The following PPP2R2B variants were observed in gnomAD, a reference collection of about 807,000 sequenced individuals.
The protein encoded by PPP2R2B is serine/threonine-protein phosphatase 2A 55 kDa regulatory subunit B beta isoform.
PPP2R2B carries 5 observed loss-of-function variants against 46.0 expected under a neutral mutation model. The observed-to-expected ratio is 0.11, with a 90% CI of 0.06 to 0.23. PPP2R2B has a LOEUF of 0.23. Ranked by LOEUF, PPP2R2B falls within the 10% of genes least tolerant of loss-of-function variation. PPP2R2B has a pLI of 1.00. For missense variants in PPP2R2B, 367 were observed against 575.0 expected, an observed-to-expected ratio of 0.64 and a Z score of 3.70; for synonymous variants, 215 against 206.7, an observed-to-expected ratio of 1.04 and a Z score of -0.34.
intron 7 of PPP2R2B, among the ~76,000 whole-genome samples, chr5:146,607,534 T>C (rs1262079264): frequency 6.6e-6 from 1 of 152,240 alleles, no homozygotes; most frequent in African/African-American, 2.4e-5. Context: ...TGATGAAGAA[T>C]GAAAAGTTAA....
At chr5:146,805,389 T>G (rs1321483951) in intron 2 of PPP2R2B, among the ~76,000 whole-genome samples, 1 of 152,204 alleles carries the variant, frequency 6.6e-6, no homozygotes, top group African/African-American at 2.4e-5. Context: ...CCTTGAATGC[T>G]GTTTTCAAAA....
chr5:146,718,437 T>C (rs940111785), intron 2 of PPP2R2B, among the ~76,000 whole-genome samples: 1 of 152,072 alleles, frequency 6.6e-6, no homozygotes, highest in Non-Finnish European at 1.5e-5. Flanking sequence ...ATTTGTAGCC[T>C]GATCATTTGG....
intron 2 of PPP2R2B, among the ~76,000 whole-genome samples, chr5:146,792,735 G>A (rs1756280833): frequency 6.6e-6 from 1 of 152,182 alleles, no homozygotes; most frequent in African/African-American, 2.4e-5. Context: ...AGAAGAAACT[G>A]CCAATGTTAA....
intron 1 of PPP2R2B, among the ~76,000 whole-genome samples, chr5:146,895,104 T>C (rs1762604798): frequency 2.0e-5 from 3 of 152,206 alleles, no homozygotes; most frequent in African/African-American, 7.2e-5. Flanking sequence ...TCCTCCTGCC[T>C]TTGTCCTCTA....
rs149731626 is a variant in PPP2R2B, at chr5:146,878,641, G to T, written c.-175C>A. ...CACGGGAGGGCGGCTCCGGCAGGCG[G>T]GGGTAGGGAAGCTGGCGGGGAGCTG... On this transcript the variant is annotated 5_prime_UTR_variant, in exon 1 of 10. Coordinates refer to ENST00000394411, the MANE Select transcript of PPP2R2B (RefSeq NM_181675.4). The surrounding 1 kb of genome is among the most constrained non-coding windows in gnomAD (Gnocchi z 4.5). 20 of 1,258,264 alleles carry T rather than the reference G, an allele frequency of 1.6e-5. No homozygotes were observed. In the South Asian group the frequency reaches 2.5e-4, roughly 16 times the overall value. The allele number at this position is 1,258,264 out of a possible 1,614,324, so 77.9% of individuals were successfully genotyped here.
intron 2 of PPP2R2B, among the ~76,000 whole-genome samples, chr5:146,800,925 C>A (rs957289649): frequency 1.3e-5 from 2 of 149,658 alleles, no homozygotes; most frequent in Non-Finnish European, 3.0e-5. Flanking sequence ...CATACACACA[C>A]ACACACACAC....
At chr5:146,898,053 C>T (rs1450950178) in intron 1 of PPP2R2B, among the ~76,000 whole-genome samples, 2 of 152,086 alleles carry the variant, frequency 1.3e-5, no homozygotes, top group African/African-American at 4.8e-5. Context: ...GGTGTGGTGG[C>T]AGGAGCCTGT....
chr5:146,621,135 C>G (rs970083648), intron 7 of PPP2R2B, among the ~76,000 whole-genome samples: 3 of 152,218 alleles, frequency 2.0e-5, no homozygotes, highest in African/African-American at 7.2e-5. Flanking sequence ...GAGCTGGTCA[C>G]TGCTTCACTG....
intron 4 of PPP2R2B, among the ~76,000 whole-genome samples, chr5:146,693,264 G>A (rs1241805401): frequency 6.6e-6 from 1 of 151,454 alleles, no homozygotes; most frequent in East Asian, 1.9e-4. Flanking sequence ...ACCTAGGCTG[G>A]AGTGCATTGG....
chr5:147,007,065 C>A (rs1201414334), intron 1 of PPP2R2B, among the ~76,000 whole-genome samples: 2 of 152,100 alleles, frequency 1.3e-5, no homozygotes, highest in African/African-American at 4.8e-5. Context: ...TTGAGGCCAT[C>A]AAGCTACAGA....
At position 147,024,484 on chromosome 5, in the gene PPP2R2B, T is replaced by C. The variant is rs1363063532; in HGVS notation, c.79+31181A>G. On this transcript the variant is annotated intron_variant, in intron 1 of 8. Transcript: ENST00000336640. ...TTATCCAATTTCACTTATTTGACAT[T>C]GAAAAACACAACACACAACACCTAA... 2.6e-5 allele frequency among the ~76,000 whole-genome samples: 4 copies of C among 152,204 alleles called. No homozygotes were observed. The East Asian group carries it at 7.7e-4, about 29-fold the overall frequency.
At chr5:146,706,638 GA>G in intron 2 of PPP2R2B, 1 of 816,680 alleles carries the variant, frequency 1.2e-6, no homozygotes. Context: ...GGCCTCCAGG[GA>G]AATCCTCCCG....
At chr5:146,919,132 G>A (rs1216881230) in intron 1 of PPP2R2B, among the ~76,000 whole-genome samples, 1 of 152,162 alleles carries the variant, frequency 6.6e-6, no homozygotes, top group African/African-American at 2.4e-5. Flanking sequence ...TTAGCATATG[G>A]TGAAGCCAAG....
At chr5:146,719,413 C>T (rs368688490) in intron 2 of PPP2R2B, among the ~76,000 whole-genome samples, 1 of 152,234 alleles carries the variant, frequency 6.6e-6, no homozygotes, top group Non-Finnish European at 1.5e-5. Flanking sequence ...CTGTCATTTA[C>T]AAGTGATGTG....
At position 147,004,777 on chromosome 5, in the gene PPP2R2B, C is replaced by G. The variant is rs572552269; in HGVS notation, c.79+50888G>C. On this transcript the variant is annotated intron_variant, in intron 1 of 8. Transcript: ENST00000336640. ...CCTTAAGCCTTCCCACAGGATGAAA[C>G]TTTTCTTTATACATCACAGAGAGAA... 3.9e-5 allele frequency among the ~76,000 whole-genome samples: 6 copies of G among 152,202 alleles called. No individual in the cohort carries two copies. The South Asian group carries it at 1.2e-3, about 32-fold the overall frequency.
At chr5:146,862,602 G>C (rs1761068645) in intron 2 of PPP2R2B, among the ~76,000 whole-genome samples, 1 of 152,160 alleles carries the variant, frequency 6.6e-6, no homozygotes, top group African/African-American at 2.4e-5. Context: ...AGCAGGAATG[G>C]CCTGGAGTAG....
At chr5:146,913,195 A>C (rs1331220829) in intron 1 of PPP2R2B, among the ~76,000 whole-genome samples, 1 of 152,210 alleles carries the variant, frequency 6.6e-6, no homozygotes, top group Non-Finnish European at 1.5e-5. Flanking sequence ...CAAGTGCTTA[A>C]AACAGAAACA....
At chr5:146,701,631 G>A (rs1331008221) in intron 2 of PPP2R2B, among the ~76,000 whole-genome samples, 1 of 152,148 alleles carries the variant, frequency 6.6e-6, no homozygotes, top group Admixed American at 6.5e-5. Flanking sequence ...AGAAATCATT[G>A]GGAAAACTCT....
intron 2 of PPP2R2B, among the ~76,000 whole-genome samples, chr5:147,071,101 T>G (rs1757581250): frequency 6.6e-6 from 1 of 151,812 alleles, no homozygotes; most frequent in Admixed American, 6.6e-5. Flanking sequence ...AAAAAAAAAA[T>G]CAGAATGTCC....
Sources: allele counts gnomAD v4.1 joint callset (sites outside exome capture counted in the v4.1 genomes callset), GRCh38; gene constraint gnomAD v4.1.1; non-coding constraint Gnocchi (gnomAD v3.1); transcripts MANE v1.5; gene names NCBI Gene and HGNC (gene_info 2026-07-23, HGNC 2026-07-21).